Variants in CRACR2A observed in about 807,000 individuals in gnomAD.
CRACR2A encodes calcium release activated channel regulator 2A.
CRACR2A carries 79 observed loss-of-function variants against 90.5 expected under a neutral mutation model. The observed-to-expected ratio is 0.87, with a 90% CI of 0.73 to 1.05. The LOEUF is 1.05. Ranked by LOEUF, CRACR2A falls within the 50% of genes least tolerant of loss-of-function variation. CRACR2A has a pLI of 0.00. For synonymous variants in CRACR2A, 338 were observed against 356.7 expected (o/e 0.95, Z 0.59); for missense variants, 823 against 897.2 (o/e 0.92, Z 1.06).
At chr12:3,708,029 G>A (rs1945954282) in intron 3 of CRACR2A, among the ~76,000 whole-genome samples, 1 of 152,144 alleles carries the variant, frequency 6.6e-6, no homozygotes, top group Non-Finnish European at 1.5e-5. Context: ...TGGTATTATC[G>A]ATGCTCCATT....
intron 11 of CRACR2A, chr12:3,648,279 C>A (rs1944726793): frequency 2.1e-6 from 3 of 1,396,782 alleles, no homozygotes; most frequent in Non-Finnish European, 2.8e-6. Flanking sequence ...CAAGCACAGT[C>A]CTGTGAGGGA....
intron 1 of CRACR2A, among the ~76,000 whole-genome samples, chr12:3,733,970 C>CTTATTTTTTT (rs1555121367): frequency 1.8e-5 from 1 of 55,612 alleles, no homozygotes; most frequent in Non-Finnish European, 4.6e-5. Flanking sequence ...CACATTTTGC[C>CTTATTTTTTT]TTATTTTTTT....
intron 2 of CRACR2A, among the ~76,000 whole-genome samples, chr12:3,725,142 G>T (rs1946240485): frequency 6.6e-6 from 1 of 152,050 alleles, no homozygotes; most frequent in African/African-American, 2.4e-5. Context: ...TATGAGAAAG[G>T]CTCTCCCACA....
intron 3 of CRACR2A, among the ~76,000 whole-genome samples, chr12:3,702,940 C>T (rs142269984): frequency 6.6e-6 from 1 of 152,230 alleles, no homozygotes; most frequent in African/African-American, 2.4e-5. Flanking sequence ...GACACACAAA[C>T]AGATAAATGG....
At chr12:3,643,872 A>ATATATTATATCTAT (rs1293099213) in intron 12 of CRACR2A, among the ~76,000 whole-genome samples, 1 of 70,594 alleles carries the variant, frequency 1.4e-5, no homozygotes, top group Non-Finnish European at 2.4e-5. Flanking sequence ...TATATATATT[A>ATATATTATATCTAT]TATATATTTA....
intron 13 of CRACR2A, among the ~76,000 whole-genome samples, chr12:3,640,177 C>T (rs1409211475): frequency 2.6e-5 from 4 of 152,260 alleles, no homozygotes; most frequent in African/African-American, 9.6e-5. Context: ...GGTTTTACCA[C>T]CAAGTGCTCT....
rs1023976677 is a variant in CRACR2A at position 3,678,766 on chromosome 12, C to T, written c.524+149G>A. The T allele has an allele frequency of 2.4e-5, 17 of 698,266 alleles. No individual in the cohort carries two copies. In the African/African-American group the frequency reaches 2.6e-4, roughly 11 times the overall value. 43.3% of individuals were successfully genotyped at this position (698,266 alleles called of 1,614,324 possible). A position where few individuals can be genotyped will look rare whatever the true frequency, so the allele number is the denominator to read the frequency against. ...CAGGTCATCACAAAGGACAGGCCCC[C>T]ACTGGCAGAACCAGCGGGCCTTTAC... On this transcript the variant is annotated intron_variant, in intron 6 of 19. Transcript: ENST00000440314.
chr12:3,680,178 C>T, intron 5 of CRACR2A, 60 bp downstream of exon 5: 4 of 1,410,942 alleles, frequency 2.8e-6, no homozygotes, highest in East Asian at 2.3e-5. Context: ...CAGGAATGCA[C>T]CTTATACAGT....
chr12:3,699,000 T>C (rs1364373075), intron 3 of CRACR2A, among the ~76,000 whole-genome samples: 3 of 152,170 alleles, frequency 2.0e-5, no homozygotes, highest in Non-Finnish European at 4.4e-5. Context: ...ATATCTGTCA[T>C]TCCTTGAGTG....
intron 9 of CRACR2A, among the ~76,000 whole-genome samples, chr12:3,656,009 G>A (rs1281601275): frequency 6.6e-6 from 1 of 152,174 alleles, no homozygotes; most frequent in African/African-American, 2.4e-5. Flanking sequence ...CAGGAGGCAG[G>A]AAACAAATTC....
intron 4 of CRACR2A, among the ~76,000 whole-genome samples, chr12:3,692,828 T>A (rs1252214838): frequency 2.6e-5 from 4 of 151,784 alleles, no homozygotes; most frequent in African/African-American, 9.7e-5. Flanking sequence ...AGCATGGGGG[T>A]GAGGCACTGG....
In CRACR2A at chr12:3,648,624, G is replaced by A; in HGVS notation, c.1047-11C>T. ...ACACGGTACACTTCCCTGAGGAGGA[G>A]GCAAACACATGGCAGTGAGCTCCCA... On this transcript the variant is annotated splice_polypyrimidine_tract_variant and intron_variant, in intron 10 of 19. Transcript: ENST00000440314. The A allele has an allele frequency of 6.2e-7, 1 of 1,609,294 alleles. No individual in the cohort carries two copies. The highest frequency in any genetic ancestry group is 8.5e-7 in the Non-Finnish European group (1 of 1,176,376).
Position 3,745,317 on chromosome 12 carries a change from G to A in CRACR2A, c.-387+7698C>T, listed in dbSNP as rs138379976. Among the ~76,000 whole-genome samples, 690 of 152,246 alleles carry A rather than the reference G, an allele frequency of 4.5e-3. 5 individuals carry two copies. The highest frequency in any genetic ancestry group is 0.015 in the African/African-American group (631 of 41,554). ...ATCTCCCCAATGGCAATTTCTGACC[G>A]TGATTCAGATGACACTACCCACAGA... On this transcript the variant is annotated intron_variant, in intron 1 of 19. Coordinates refer to ENST00000440314, the MANE Select transcript of CRACR2A (RefSeq NM_001144958.2).
At chr12:3,662,217 T>G (rs17770486) in intron 7 of CRACR2A, among the ~76,000 whole-genome samples, 1 of 152,084 alleles carries the variant, frequency 6.6e-6, no homozygotes, top group South Asian at 2.1e-4. Context: ...TTTTGGAAAG[T>G]TGGTCTGCTG....
chr12:3,667,810 C>G (rs1174479002), intron 7 of CRACR2A, among the ~76,000 whole-genome samples: 1 of 152,244 alleles, frequency 6.6e-6, no homozygotes, highest in East Asian at 1.9e-4. Flanking sequence ...CTCTGTCTCT[C>G]TCCATCTCCA....
intron 18 of CRACR2A, among the ~76,000 whole-genome samples, chr12:3,617,938 C>A (rs1003213256): frequency 6.6e-6 from 1 of 152,200 alleles, no homozygotes; most frequent in Non-Finnish European, 1.5e-5. Context: ...GCCCCATGGG[C>A]TCTATTTCTC....
At chr12:3,713,899 C>T (rs900799072) in intron 2 of CRACR2A, among the ~76,000 whole-genome samples, 4 of 152,138 alleles carry the variant, frequency 2.6e-5, no homozygotes, top group Admixed American at 1.3e-4. Context: ...GGGAGTGTTA[C>T]GACTGAACCT....
At chr12:3,638,808 C>T (rs1159841340) in intron 13 of CRACR2A, among the ~76,000 whole-genome samples, 2 of 152,196 alleles carry the variant, frequency 1.3e-5, no homozygotes, top group African/African-American at 4.8e-5. Flanking sequence ...ACATCCTTTA[C>T]AAATTGTGAG....
At chr12:3,707,970 C>A (rs1236042770) in intron 3 of CRACR2A, among the ~76,000 whole-genome samples, 1 of 152,182 alleles carries the variant, frequency 6.6e-6, no homozygotes, top group African/African-American at 2.4e-5. Context: ...AGAAGCAGAT[C>A]AGTGTGATGT....
Sources: allele counts gnomAD v4.1 joint callset (sites outside exome capture counted in the v4.1 genomes callset), GRCh38; gene constraint gnomAD v4.1.1; transcripts MANE v1.5; gene names NCBI Gene and HGNC (gene_info 2026-07-23, HGNC 2026-07-21).